Variants in CNTNAP2 observed in about 807,000 individuals in gnomAD.
CNTNAP2 encodes the protein contactin associated protein 2.
Under a neutral mutation model 155.2 loss-of-function variants are expected in CNTNAP2, and 98 were observed. That is an observed-to-expected ratio of 0.63 (90% CI 0.54 to 0.75). CNTNAP2 has a LOEUF of 0.75. Ranked by LOEUF, CNTNAP2 falls within the 30% of genes least tolerant of loss-of-function variation. The probability of loss-of-function intolerance (pLI) is 0.00; values close to 1 mark genes in which losing one functional copy is unlikely to be tolerated. For synonymous variants in CNTNAP2, 651 were observed against 631.2 expected (o/e 1.03, Z -0.47); for missense variants, 1,727 against 1,688.1 (o/e 1.02, Z -0.40).
In CNTNAP2 at chr7:148,135,988, G is replaced by GA. The variant is rs1267428527; in HGVS notation, c.2555-11501dup. ...GGAAGAGAGGGAGGAAGGAAGGAAG[G>GA]AAGGAAGGAAGGAAGGAAGGAAGGA... On this transcript the variant is annotated intron_variant, in intron 16 of 23. Coordinates refer to ENST00000361727, the MANE Select transcript of CNTNAP2 (RefSeq NM_014141.6). Among the ~76,000 whole-genome samples, 23 of 24,374 alleles carry GA rather than the reference G, an allele frequency of 9.4e-4. 1 individual carries two copies. The highest frequency in any genetic ancestry group is 4.2e-3 in the African/African-American group (21 of 4,954). 16.0% of individuals were successfully genotyped at this position (24,374 alleles called of 152,430 possible).
intron 1 of CNTNAP2, among the ~76,000 whole-genome samples, chr7:146,773,725 A>G (rs1460299990): frequency 1.3e-5 from 2 of 152,218 alleles, no homozygotes; most frequent in Non-Finnish European, 2.9e-5. Flanking sequence ...AACATGTAAC[A>G]TGAGATCTGC....
intron 1 of CNTNAP2, among the ~76,000 whole-genome samples, chr7:146,662,848 A>C (rs1354683614): frequency 6.6e-6 from 1 of 152,176 alleles, no homozygotes; most frequent in African/African-American, 2.4e-5. Context: ...TAATTGCCTT[A>C]GTGCCTTCAT....
chr7:147,776,894 T>TA (rs1267098266), intron 13 of CNTNAP2, among the ~76,000 whole-genome samples: 6 of 152,172 alleles, frequency 3.9e-5, no homozygotes, highest in East Asian at 3.9e-4. Context: ...TTTCTCTTTT[T>TA]ATTAATGCTT....
At chr7:147,547,991 T>C (rs1350639949) in intron 11 of CNTNAP2, among the ~76,000 whole-genome samples, 1 of 152,238 alleles carries the variant, frequency 6.6e-6, no homozygotes, top group Non-Finnish European at 1.5e-5. Context: ...CCACATTTTC[T>C]TTATCCAGTC....
At chr7:147,789,907 C>G (rs1797793707) in intron 13 of CNTNAP2, among the ~76,000 whole-genome samples, 1 of 152,158 alleles carries the variant, frequency 6.6e-6, no homozygotes, top group African/African-American at 2.4e-5. Context: ...GTCGGCTTTC[C>G]TACTTTTGAA....
chr7:148,281,305 G>A (rs1460865543), intron 21 of CNTNAP2, among the ~76,000 whole-genome samples: 1 of 152,200 alleles, frequency 6.6e-6, no homozygotes, highest in African/African-American at 2.4e-5. Context: ...GAAAGTCCCC[G>A]ATGGCAGCTT....
At chr7:147,053,381 C>A (rs1333829619) in intron 4 of CNTNAP2, among the ~76,000 whole-genome samples, 1 of 151,924 alleles carries the variant, frequency 6.6e-6, no homozygotes, top group African/African-American at 2.4e-5. Flanking sequence ...AAGAAACTTA[C>A]AATTGACTTT....
At chr7:148,259,776 T>A (rs1313535198) in intron 20 of CNTNAP2, among the ~76,000 whole-genome samples, 1 of 152,244 alleles carries the variant, frequency 6.6e-6, no homozygotes, top group Non-Finnish European at 1.5e-5. Flanking sequence ...AATACCTGAA[T>A]AGACGTTAAA....
intron 20 of CNTNAP2, among the ~76,000 whole-genome samples, chr7:148,250,022 G>A (rs1259399644): frequency 6.6e-6 from 1 of 152,190 alleles, no homozygotes; most frequent in African/African-American, 2.4e-5. Flanking sequence ...ACAAGCCAAA[G>A]TCTTTCCAGT....
At chr7:146,205,297 C>A (rs1309422863) in intron 1 of CNTNAP2, among the ~76,000 whole-genome samples, 1 of 151,914 alleles carries the variant, frequency 6.6e-6, no homozygotes, top group Non-Finnish European at 1.5e-5. Context: ...TAATGATATT[C>A]TCTGTAGACT....
intron 13 of CNTNAP2, among the ~76,000 whole-genome samples, chr7:147,718,450 T>C (rs1796514704): frequency 6.6e-6 from 1 of 152,162 alleles, no homozygotes; most frequent in Non-Finnish European, 1.5e-5. Flanking sequence ...GACTCTATAA[T>C]ATTATTAATT....
chr7:147,152,315 G>T (rs1161860813), intron 8 of CNTNAP2, among the ~76,000 whole-genome samples: 1 of 151,898 alleles, frequency 6.6e-6, no homozygotes, highest in Non-Finnish European at 1.5e-5. Flanking sequence ...GTAGGTTGTG[G>T]TGGTTAATTA....
chr7:147,327,703 C>T (rs1047428933), intron 9 of CNTNAP2, among the ~76,000 whole-genome samples: 1 of 152,100 alleles, frequency 6.6e-6, no homozygotes, highest in Non-Finnish European at 1.5e-5. Flanking sequence ...AAGAGACTTA[C>T]ATATAGTTGA....
intron 19 of CNTNAP2, among the ~76,000 whole-genome samples, chr7:148,220,805 G>A (rs1050565998): frequency 1.4e-5 from 2 of 148,146 alleles, no homozygotes; most frequent in African/African-American, 4.9e-5. Context: ...TGGAGCCCCT[G>A]GTCTTCAGGA....
chr7:147,669,739 C>T (rs1584889891), intron 13 of CNTNAP2, among the ~76,000 whole-genome samples: 1 of 152,336 alleles, frequency 6.6e-6, no homozygotes, highest in East Asian at 1.9e-4. Context: ...TTGGCACCAC[C>T]ATTGTCCGCC....
chr7:146,828,743 T>C (rs1019895320), intron 2 of CNTNAP2, among the ~76,000 whole-genome samples: 1 of 152,124 alleles, frequency 6.6e-6, no homozygotes, highest in South Asian at 2.1e-4. Flanking sequence ...AGCTTTCAAA[T>C]TACAGGTCAT....
chr7:147,189,838 A>G (rs556076522), intron 8 of CNTNAP2, among the ~76,000 whole-genome samples: 105 of 151,970 alleles, frequency 6.9e-4, no homozygotes, highest in African/African-American at 2.5e-3. Context: ...TCCGCCCCCC[A>G]AGTTCACACC....
At chr7:147,752,274 T>C (rs1174198959) in intron 13 of CNTNAP2, among the ~76,000 whole-genome samples, 2 of 152,040 alleles carry the variant, frequency 1.3e-5, no homozygotes, top group African/African-American at 4.8e-5. Context: ...GAAAACCTGT[T>C]TGGGGCCACA....
chr7:147,886,542 T>C (rs1799603909), intron 13 of CNTNAP2, among the ~76,000 whole-genome samples: 1 of 141,262 alleles, frequency 7.1e-6, no homozygotes, highest in Non-Finnish European at 1.5e-5. Flanking sequence ...AAGTCGTAAG[T>C]CCCATCTCTT....
Sources: allele counts gnomAD v4.1 joint callset (sites outside exome capture counted in the v4.1 genomes callset), GRCh38; gene constraint gnomAD v4.1.1; transcripts MANE v1.5; gene names NCBI Gene and HGNC (gene_info 2026-07-23, HGNC 2026-07-21).